The following SEMA6A variants were observed in gnomAD, a reference collection of about 807,000 sequenced individuals.
The protein encoded by SEMA6A is semaphorin-6A.
Under a neutral mutation model 96.8 loss-of-function variants are expected in SEMA6A, and 25 were observed. That is an observed-to-expected ratio of 0.26 (90% CI 0.19 to 0.36). SEMA6A has a LOEUF of 0.36. Ranked by LOEUF, SEMA6A falls within the 10% of genes least tolerant of loss-of-function variation. The pLI, the probability that SEMA6A is intolerant of heterozygous loss-of-function variation, is 1.00. For synonymous variants in SEMA6A, 612 were observed against 518.0 expected, an observed-to-expected ratio of 1.18 and a Z score of -2.46; for missense variants, 1,363 against 1,323.1, an observed-to-expected ratio of 1.03 and a Z score of -0.47.
intron 1 of SEMA6A, among the ~76,000 whole-genome samples, chr5:116,513,252 T>C (rs1758504484): frequency 6.6e-6 from 1 of 152,070 alleles, no homozygotes; most frequent in Non-Finnish European, 1.5e-5. Context: ...TCCAGCCTCC[T>C]GAGTAGCTGG....
chr5:116,532,328 G>A (rs540826187), intron 1 of SEMA6A, among the ~76,000 whole-genome samples: 3 of 152,256 alleles, frequency 2.0e-5, no homozygotes, highest in Middle Eastern at 3.4e-3. Context: ...GGGGTCAGGC[G>A]GCCAACAAAG....
chr5:116,572,774 A>C (rs1331351573), intron 1 of SEMA6A, among the ~76,000 whole-genome samples: 1 of 152,112 alleles, frequency 6.6e-6, no homozygotes, highest in African/African-American at 2.4e-5. Context: ...TCCTAGCTGC[A>C]TCCCGAGCTG....
chr5:116,450,083 TTTC>T (rs1397206684), intron 18 of SEMA6A, among the ~76,000 whole-genome samples: 11 of 152,248 alleles, frequency 7.2e-5, no homozygotes, highest in Admixed American at 7.2e-4. Flanking sequence ...GCTACTGATT[TTTC>T]TTCAATTTTG....
Position 116,554,542 on chromosome 5 carries a change from C to A in SEMA6A, c.-39+19643G>T, listed in dbSNP as rs1760538302. On this transcript the variant is annotated intron_variant, in intron 1 of 18. Coordinates refer to ENST00000343348, the MANE Select transcript of SEMA6A (RefSeq NM_020796.5). ...GGGTTCATATTAAGATAATACGTAA[C>A]AATTTGTATAAAGTATTTGTTCAAA... 1.3e-5 allele frequency among the ~76,000 whole-genome samples: 2 copies of A among 152,122 alleles called. 1 individual carries two copies. Among genetic ancestry groups the A allele is most frequent in the South Asian group, 4.1e-4 (2 of 4,826 alleles).
At chr5:116,544,528 G>C (rs1760106633) in intron 1 of SEMA6A, among the ~76,000 whole-genome samples, 1 of 151,968 alleles carries the variant, frequency 6.6e-6, no homozygotes, top group African/African-American at 2.4e-5. Context: ...CAAGTTCCTG[G>C]GCTCAAGTGA....
chr5:116,506,280 C>T (rs1318892209), intron 1 of SEMA6A, among the ~76,000 whole-genome samples: 1 of 152,196 alleles, frequency 6.6e-6, no homozygotes, highest in Non-Finnish European at 1.5e-5. Context: ...TTAATCATTT[C>T]TTCAATTGAA....
At chr5:116,472,093 TG>T (rs1300099062) in intron 17 of SEMA6A, among the ~76,000 whole-genome samples, 1 of 152,214 alleles carries the variant, frequency 6.6e-6, no homozygotes, top group East Asian at 1.9e-4. Flanking sequence ...ATCACATGGA[TG>T]TTTTTCATAT....
At position 116,444,205 on chromosome 5, in the gene SEMA6A, T is replaced by TTGTGACAGA. The variant is rs1561454545; in HGVS notation, c.*2407_*2408insTCTGTCACA. ...GTTTCAGGAGACAGAGTTCACAGGA[T>TTGTGACAGA]GTGAACATGGATTCCATTACAAAAG... On this transcript the variant is annotated 3_prime_UTR_variant, in exon 19 of 19. Transcript: ENST00000343348. 4 of 151,312 alleles carry TTGTGACAGA rather than the reference T, an allele frequency of 2.6e-5. No homozygotes were observed. Among genetic ancestry groups the TTGTGACAGA allele is most frequent in the Admixed American group, 2.6e-4 (4 of 15,186 alleles). 9.4% of individuals were successfully genotyped at this position (151,312 alleles called of 1,614,324 possible). A position where few individuals can be genotyped will look rare whatever the true frequency, so the allele number is the denominator to read the frequency against.
intron 1 of SEMA6A, chr5:116,550,441 C>G (rs1286602137): frequency 6.6e-6 from 1 of 152,130 alleles, no homozygotes; most frequent in African/African-American, 2.4e-5. Flanking sequence ...TCTAATGATA[C>G]AGGAATCCCA....
chr5:116,528,506 C>G (rs1159224141), intron 1 of SEMA6A, among the ~76,000 whole-genome samples: 2 of 152,180 alleles, frequency 1.3e-5, no homozygotes, highest in African/African-American at 4.8e-5. Context: ...TTGAAACTGA[C>G]TAGGCGCTCA....
At chr5:116,465,576 G>C (rs1427534191) in intron 18 of SEMA6A, among the ~76,000 whole-genome samples, 1 of 152,156 alleles carries the variant, frequency 6.6e-6, no homozygotes, top group Non-Finnish European at 1.5e-5. Flanking sequence ...ACCATTGTTT[G>C]ACAATATGTA....
rs1330654608 is a variant in SEMA6A, at chr5:116,443,963, C to T, written c.*2650G>A. 1 of 152,244 alleles carries T rather than the reference C, an allele frequency of 6.6e-6. No individual in the cohort carries two copies. The highest frequency in any genetic ancestry group is 1.5e-5 in the Non-Finnish European group (1 of 68,082). 9.4% of individuals were successfully genotyped at this position (152,244 alleles called of 1,614,324 possible). ...AGGAATGTGGATGTAAGTTTTGACA[C>T]AGGTCTCCTTAACAGCTGAGGCAGT... On this transcript the variant is annotated 3_prime_UTR_variant, in exon 19 of 19. Coordinates refer to ENST00000343348, the MANE Select transcript of SEMA6A (RefSeq NM_020796.5).
At chr5:116,460,320 G>C (rs929248650) in intron 18 of SEMA6A, among the ~76,000 whole-genome samples, 2 of 151,968 alleles carry the variant, frequency 1.3e-5, no homozygotes, top group Non-Finnish European at 2.9e-5. Context: ...ATATTTCATA[G>C]ACATTCTCTG....
intron 18 of SEMA6A, among the ~76,000 whole-genome samples, chr5:116,458,238 A>C (rs1040770710): frequency 1.3e-5 from 2 of 152,226 alleles, no homozygotes; most frequent in Non-Finnish European, 2.9e-5. Context: ...CAAAATCTAG[A>C]TGAACACAGT....
In SEMA6A at chr5:116,480,165, G is replaced by C; in HGVS notation, c.1207C>G (p.Pro403Ala). ...KTHPLMDEAV[P>A]SIFNRPWFLR... The stretch of plus-strand genomic sequence containing the variant: ...AACCATGGCCTGTTGAAGATGGAGG[G>C]CACTGCCTCATCCATGAGCGGGTGC... The change falls in exon 12 of 19, where the codon CCC (proline) becomes GCC (alanine). Residue 403 changes from proline to alanine, a missense_variant. Around this residue, in one of 2 missense-constraint regions of SEMA6A, gnomAD observed 480 missense variants for 559.5 expected, o/e 0.86. Coordinates refer to ENST00000343348, the MANE Select transcript of SEMA6A (RefSeq NM_020796.5). The C allele has an allele frequency of 6.2e-7, 1 of 1,613,822 alleles. No individual in the cohort carries two copies. Among genetic ancestry groups the C allele is most frequent in the Non-Finnish European group, 8.5e-7 (1 of 1,179,794 alleles).
rs1757576363 is a variant in SEMA6A, at chr5:116,495,897, G to A, written c.342+354C>T. ...TGACCACAGGCACAAAACCCTGCATGTCTGCGGCAGCCTTTTATGAGCTCT... is the reference window on the plus strand; with the variant it reads ...TGACCACAGGCACAAAACCCTGCATATCTGCGGCAGCCTTTTATGAGCTCT... On this transcript the variant is annotated intron_variant, in intron 5 of 18. Coordinates refer to ENST00000343348, the MANE Select transcript of SEMA6A (RefSeq NM_020796.5). 7 of 324,604 alleles carry A rather than the reference G, an allele frequency of 2.2e-5. No homozygotes were observed. The South Asian group carries it at 2.4e-4, about 11-fold the overall frequency. The allele number at this position is 324,604 out of a possible 1,614,324, so 20.1% of individuals were successfully genotyped here.
rs1425763195 is a variant in SEMA6A, at chr5:116,447,653, G to C, written c.2053C>G (p.Gln685Glu). Reference protein sequence around the residue: ...DHRRKDVAVVQRKEKELTHSR... With the variant: ...DHRRKDVAVVERKEKELTHSR... The stretch of plus-strand genomic sequence containing the variant: ...TGGGTGAGCTCCTTCTCCTTGCGCT[G>C]CACCACAGCCACGTCTTTGCGCCGA... The change falls in exon 19 of 19, where the codon CAG becomes GAG. Residue 685 changes from glutamine (Q) to glutamate (E), a missense_variant. Physicochemically the swap from Gln to Glu is conservative, Grantham distance 29 (BLOSUM62 2). Around this residue, in one of 2 missense-constraint regions of SEMA6A, gnomAD observed 883 missense variants for 763.6 expected, o/e 1.16. Transcript: ENST00000343348. 6.2e-7 allele frequency: 1 copy of C among 1,613,898 alleles called. No homozygotes were observed. The highest frequency in any genetic ancestry group is 8.5e-7 in the Non-Finnish European group (1 of 1,179,906).
In SEMA6A at chr5:116,532,358, A is replaced by T. The variant is rs1759522867; in HGVS notation, c.-38-27376T>A. ...ACAAAGGGAATATGAATGTATATCC[A>T]AGTCACTGAGATACTTTTATGCAGG... On this transcript the variant is annotated intron_variant, in intron 1 of 18. Transcript: ENST00000343348. Among the ~76,000 whole-genome samples, 5 of 152,360 alleles carry T rather than the reference A, an allele frequency of 3.3e-5. No individual in the cohort carries two copies. In the South Asian group the frequency reaches 1.0e-3, roughly 32 times the overall value.
At chr5:116,536,674 C>A (rs892452739) in intron 1 of SEMA6A, among the ~76,000 whole-genome samples, 2 of 152,126 alleles carry the variant, frequency 1.3e-5, no homozygotes, top group African/African-American at 4.8e-5. Context: ...AGAAGAAAGG[C>A]CCCCGATCTT....
Sources: allele counts gnomAD v4.1 joint callset (sites outside exome capture counted in the v4.1 genomes callset), GRCh38; gene constraint gnomAD v4.1.1; regional missense constraint gnomAD v4.1.1; transcripts MANE v1.5; gene names NCBI Gene and HGNC (gene_info 2026-07-23, HGNC 2026-07-21).